GON4L: variants seen among roughly 807,000 people sequenced by gnomAD.
GON4L encodes gon-4 like, also known as GON-4-like protein.
GON4L carries 87 observed loss-of-function variants against 211.8 expected under a neutral mutation model. The observed-to-expected ratio is 0.41, with a 90% CI of 0.35 to 0.49. GON4L has a LOEUF of 0.49. GON4L is among the 20% of genes least tolerant of loss of function. The pLI, the probability that GON4L is intolerant of heterozygous loss-of-function variation, is 0.15. For synonymous variants in GON4L, 875 were observed against 962.6 expected, an observed-to-expected ratio of 0.91 and a Z score of 1.68; for missense variants, 2,155 against 2,659.5, an observed-to-expected ratio of 0.81 and a Z score of 4.17.
intron 4 of GON4L, 59 bp downstream of exon 4, chr1:155,822,227 T>C: frequency 1.4e-6 from 2 of 1,387,572 alleles, no homozygotes; most frequent in South Asian, 1.2e-5. Context: ...TGAACATTTT[T>C]ATATGCTTTC....
chr1:155,813,978 A>G (rs577581801), intron 9 of GON4L, among the ~76,000 whole-genome samples, 174 bp from the exon 10 acceptor site: 1 of 152,394 alleles, frequency 6.6e-6, no homozygotes, highest in South Asian at 2.1e-4. Flanking sequence ...TGATCTAATT[A>G]GTTTTCATCC....
chr1:155,776,622 C>T (rs1282137173), intron 15 of GON4L, 141 bp from the exon 16 acceptor site: 1 of 739,190 alleles, frequency 1.4e-6, no homozygotes, highest in Admixed American at 2.1e-5. Context: ...GCAATCATGG[C>T]TCCACGCCCT....
In GON4L at chr1:155,853,761, C is replaced by G; in HGVS notation, c.20G>C (p.Arg7Thr). The G allele has an allele frequency of 6.2e-7, 1 of 1,613,138 alleles. No individual in the cohort carries two copies. The highest frequency in any genetic ancestry group is 1.1e-5 in the South Asian group (1 of 90,504). Residue 7 changes from arginine to threonine, a missense_variant, in exon 2 of 32, where the codon AGA (arginine) becomes ACA (threonine). By Grantham distance (71) the Arg-to-Thr change is moderately conservative. Coordinates refer to ENST00000368331, the MANE Select transcript of GON4L (RefSeq NM_001282860.2). Reference protein sequence around the residue: MLPCKKRRTTVTESLQH... With the variant: MLPCKKTRTTVTESLQH... ...TAGGGACTCTGTCACTGTAGTTCTT[C>G]TCTTCTTACAGGGCAACATTTTAAA...
downstream of GON4L, chr1:155,748,367 A>G: frequency 6.3e-7 from 1 of 1,582,688 alleles, no homozygotes; most frequent in Non-Finnish European, 8.7e-7. Flanking sequence ...TCCAGGCCCG[A>G]GGCCAAGTGC....
At chr1:155,817,158 A>G (rs192509495) in intron 6 of GON4L, among the ~76,000 whole-genome samples, 1 of 151,958 alleles carries the variant, frequency 6.6e-6, no homozygotes, top group East Asian at 1.9e-4. Context: ...AGGCCTCACT[A>G]ATTTTTTAAA....
At chr1:155,748,175 C>T (rs1660330619), downstream of GON4L, 10 of 1,506,408 alleles carry the variant, frequency 6.6e-6, no homozygotes. Context: ...ACAGGGCCTC[C>T]TCATGCTCCC....
chr1:155,770,029 A>T (rs1248210427), intron 19 of GON4L, among the ~76,000 whole-genome samples: 3 of 10,980 alleles, frequency 2.7e-4, no homozygotes, highest in South Asian at 0.026. Flanking sequence ...TTCTTAAAAA[A>T]AAAAAAAAAA....
In GON4L at chr1:155,825,266, G is replaced by C. The variant is rs149230340; in HGVS notation, c.697+1571C>G. ...ATCTACAAGTACATCCAAGAATATGGATGAATTTCATAAAACAATGTTGAG... is the reference window on the plus strand; with the variant it reads ...ATCTACAAGTACATCCAAGAATATGCATGAATTTCATAAAACAATGTTGAG... On this transcript the variant is annotated intron_variant, in intron 3 of 31. Coordinates refer to ENST00000368331, the MANE Select transcript of GON4L (RefSeq NM_001282860.2). 2.6e-3 allele frequency among the ~76,000 whole-genome samples: 390 copies of C among 152,222 alleles called. 2 individuals carry two copies. Among genetic ancestry groups the C allele is most frequent in the South Asian group, 0.013 (64 of 4,818 alleles).
At chr1:155,834,072 C>T (rs1670068879) in intron 2 of GON4L, among the ~76,000 whole-genome samples, 1 of 152,118 alleles carries the variant, frequency 6.6e-6, no homozygotes, top group Admixed American at 6.5e-5. Flanking sequence ...GATCCTCACA[C>T]CTTGGCCTTC....
rs749495545 is a variant in GON4L, at chr1:155,853,783, T to TA, written c.-4dup. 1.2e-6 allele frequency: 2 copies of TA among 1,612,092 alleles called. No individual in the cohort carries two copies. The highest frequency in any genetic ancestry group is 8.5e-7 in the Non-Finnish European group (1 of 1,178,186). On this transcript the variant is annotated 5_prime_UTR_variant, in exon 2 of 32. The change abolishes the stop of an existing upstream ORF in the 5' untranslated region. Coordinates refer to ENST00000368331, the MANE Select transcript of GON4L (RefSeq NM_001282860.2). ...CTTCTCTTCTTACAGGGCAACATTT[T>TA]AAAAGTCCCACTTTTGTTCCATTCT... is the stretch of plus-strand genomic sequence containing the variant.
At chr1:155,751,562 A>G (rs1660588013) in intron 31 of GON4L, among the ~76,000 whole-genome samples, 1 of 152,166 alleles carries the variant, frequency 6.6e-6, no homozygotes, top group African/African-American at 2.4e-5. Flanking sequence ...ACATAAATAA[A>G]TAAAAATTTA....
chr1:155,763,862 G>C (rs1215903237), intron 21 of GON4L, among the ~76,000 whole-genome samples: 1 of 152,016 alleles, frequency 6.6e-6, no homozygotes, highest in Non-Finnish European at 1.5e-5. Context: ...AATTAGTCAG[G>C]CATGGTGGTA....
Position 155,765,692 on chromosome 1 carries a change from C to T in GON4L, c.3781G>A (p.Val1261Ile). 1 of 1,614,186 alleles carries T rather than the reference C, an allele frequency of 6.2e-7. No homozygotes were observed. Among genetic ancestry groups the T allele is most frequent in the Non-Finnish European group, 8.5e-7 (1 of 1,180,030 alleles). ...PQELSPLSAT[V>I]FPKVEHSPGP... ...GGGCTATGTTCCACTTTCGGGAAAA[C>T]AGTAGCAGAGAGAGGAGATAGTTCC... is the stretch of plus-strand genomic sequence containing the variant. Residue 1261 changes from valine (V) to isoleucine (I), a missense_variant, in exon 21 of 32, where the codon GTT becomes ATT. Coordinates refer to ENST00000368331, the MANE Select transcript of GON4L (RefSeq NM_001282860.2).
At chr1:155,851,052 CAAAA>C (rs55815558) in intron 2 of GON4L, among the ~76,000 whole-genome samples, 1 of 78,484 alleles carries the variant, frequency 1.3e-5, no homozygotes, top group Non-Finnish European at 2.2e-5. Flanking sequence ...GACTCCACCT[CAAAA>C]AAAAAAAAAA....
upstream of GON4L, among the ~76,000 whole-genome samples, chr1:155,858,276 CAG>C (rs1403038812): frequency 1.3e-5 from 2 of 152,020 alleles, no homozygotes; most frequent in Non-Finnish European, 2.9e-5. Flanking sequence ...TAATAAAAAA[CAG>C]AATGTCAAAA....
At chr1:155,756,755 T>C (rs1661232089) in intron 27 of GON4L, 5 of 524,182 alleles carry the variant, frequency 9.5e-6, no homozygotes, top group Admixed American at 3.2e-5. Flanking sequence ...TGAAAATCCA[T>C]CTCTACTAAA....
intron 2 of GON4L, among the ~76,000 whole-genome samples, chr1:155,852,911 G>C (rs756579855): frequency 6.6e-6 from 1 of 152,144 alleles, no homozygotes; most frequent in Non-Finnish European, 1.5e-5. Flanking sequence ...TCAGGAGTTC[G>C]AGACCAGCTT....
chr1:155,750,030 G>A lies in GON4L; in HGVS notation c.*554C>T. On this transcript the variant is annotated 3_prime_UTR_variant, in exon 32 of 32. Transcript: ENST00000368331. ...CACCAAACTCGACTTGCGGCGCTGG[G>A]CCAGCTTCATGGATGCTGGAGTGGA... 2.3e-6 allele frequency: 3 copies of A among 1,291,730 alleles called. No homozygotes were observed. The highest frequency in any genetic ancestry group is 3.2e-6 in the Non-Finnish European group (3 of 926,962). 80.0% of individuals were successfully genotyped at this position (1,291,730 alleles called of 1,614,324 possible).
At chr1:155,784,267 G>C in intron 13 of GON4L, 178 bp from the exon 14 acceptor site, 1 of 744,720 alleles carries the variant, frequency 1.3e-6, no homozygotes, top group East Asian at 3.0e-5. Flanking sequence ...ACTTGGGATG[G>C]CTATTATGCC....
Sources: gnomAD v4.1 joint callset for allele counts (sites outside exome capture counted in the v4.1 genomes callset) on GRCh38, gnomAD v4.1.1 for gene constraint, MANE v1.5 for transcripts, NCBI Gene and HGNC (gene_info 2026-07-23, HGNC 2026-07-21) for gene names.